PWWP3A: variants seen among roughly 807,000 people sequenced by gnomAD.
PWWP3A encodes PWWP domain-containing DNA repair factor 3A.
A neutral mutation model predicts 79.0 loss-of-function variants in PWWP3A; 53 were observed. The ratio of observed to expected loss-of-function variants is 0.67; its 90% CI spans 0.54 to 0.84. The LOEUF (loss-of-function observed/expected upper bound fraction) is 0.84, where lower values mean the gene tolerates loss of function less well. Among genes scored for constraint, PWWP3A ranks in the 40% least tolerant of loss-of-function variants. The pLI, the probability that PWWP3A is intolerant of heterozygous loss-of-function variation, is 0.00. For missense variants in PWWP3A, 973 were observed against 948.0 expected, an observed-to-expected ratio of 1.03 and a Z score of -0.35; for synonymous variants, 443 against 394.4, an observed-to-expected ratio of 1.12 and a Z score of -1.46.
chr19:1,372,894 G>A (rs2082291975), intron 12 of PWWP3A, 178 bp from the exon 13 acceptor site: 1 of 590,026 alleles, frequency 1.7e-6, no homozygotes, highest in South Asian at 2.1e-5. Context: ...ATTTAATTAA[G>A]AAACATCATT....
intron 12 of PWWP3A, chr19:1,372,166 C>G (rs1022263451): frequency 6.6e-6 from 1 of 152,210 alleles, no homozygotes; most frequent in Non-Finnish European, 1.5e-5. Flanking sequence ...GTGATTCTGC[C>G]CCCTGGGGGA....
At chr19:1,371,805 CTTTTTTTT>C (rs1237018248) in intron 12 of PWWP3A, among the ~76,000 whole-genome samples, 1 of 127,712 alleles carries the variant, frequency 7.8e-6, no homozygotes, top group Non-Finnish European at 1.7e-5. Flanking sequence ...AACCCTCAAG[CTTTTTTTT>C]TTTTTTTTTT....
rs926603255 is a variant in PWWP3A, at chr19:1,377,594, G to A, written c.*1018G>A. The stretch of plus-strand genomic sequence containing the variant: ...GGGGCTGCAGGTTGTTGAGGGCTGT[G>A]ACTCCGTGGGGCTCAGCCAGGCTCC... On this transcript the variant is annotated 3_prime_UTR_variant, in exon 14 of 14. Transcript: ENST00000591337. 6.6e-6 allele frequency: 1 copy of A among 152,420 alleles called. No homozygotes were observed. The highest frequency in any genetic ancestry group is 2.4e-5 in the African/African-American group (1 of 41,472). 9.4% of individuals were successfully genotyped at this position (152,420 alleles called of 1,614,324 possible).
intron 6 of PWWP3A, 73 bp downstream of exon 6, chr19:1,362,424 C>T (rs1032379607): frequency 2.5e-5 from 30 of 1,180,856 alleles, no homozygotes; most frequent in Non-Finnish European, 3.1e-5. Context: ...GCTCCGAGAC[C>T]GGGCCCCACA....
intron 13 of PWWP3A, among the ~76,000 whole-genome samples, chr19:1,375,058 TA>T (rs36062259): frequency 0.044 from 6,063 of 137,594 alleles, 155 homozygotes; most frequent in African/African-American, 0.079. Flanking sequence ...ATCTCTACTT[TA>T]AAAAAAAAAA....
Position 1,376,651 on chromosome 19 carries a change from T to TG in PWWP3A, c.*81dup, listed in dbSNP as rs1221433605. On this transcript the variant is annotated 3_prime_UTR_variant, in exon 14 of 14. Transcript: ENST00000591337. ...CAGTGTGCATGAGCGTGTCTGAAGATGGGGGGCTCAGGGGGCACGTTTGCG... is the reference window on the plus strand; with the variant it reads ...CAGTGTGCATGAGCGTGTCTGAAGATGGGGGGGCTCAGGGGGCACGTTTGCG... 32 of 1,486,846 alleles carry TG rather than the reference T, an allele frequency of 2.2e-5. No homozygotes were observed. The highest frequency in any genetic ancestry group is 1.6e-4 in the Admixed American group (9 of 56,444). The allele number at this position is 1,486,846 out of a possible 1,614,324, so 92.1% of individuals were successfully genotyped here. A position where few individuals can be genotyped will look rare whatever the true frequency, so the allele number is the denominator to read the frequency against.
chr19:1,359,940 G>T (rs995238961), intron 4 of PWWP3A, 196 bp from the exon 5 acceptor site: 30 of 513,160 alleles, frequency 5.8e-5, no homozygotes, highest in Non-Finnish European at 8.8e-5. Flanking sequence ...CTCGAATCCC[G>T]GAATGAATAG....
intron 13 of PWWP3A, among the ~76,000 whole-genome samples, chr19:1,375,324 G>T (rs2668436): frequency 0.017 from 2,587 of 148,414 alleles, 78 homozygotes; most frequent in African/African-American, 0.061. Flanking sequence ...CTATGCAGCC[G>T]GTACTGCTGC....
At chr19:1,374,722 A>G (rs933355029) in intron 13 of PWWP3A, among the ~76,000 whole-genome samples, 1 of 152,106 alleles carries the variant, frequency 6.6e-6, no homozygotes, top group African/African-American at 2.4e-5. Context: ...AGTAAGGACA[A>G]TTTGGCATCT....
In PWWP3A at chr19:1,369,714, T is replaced by C. The variant is rs1600120151; in HGVS notation, c.1549+68T>C. 6.5e-7 allele frequency: 1 copy of C among 1,538,018 alleles called. No individual in the cohort carries two copies. Among genetic ancestry groups the C allele is most frequent in the East Asian group, 2.2e-5 (1 of 44,494 alleles). Reference sequence around the variant, plus strand: ...AGCCCTTTAGAAAAACAATCTTCTATGTCTGAAGCTGTGGAAGGGGACGTT... The same window carrying C: ...AGCCCTTTAGAAAAACAATCTTCTACGTCTGAAGCTGTGGAAGGGGACGTT... On this transcript the variant is annotated intron_variant, in intron 11 of 13. Coordinates refer to ENST00000591337, the MANE Select transcript of PWWP3A (RefSeq NM_001369789.1). This position sits in a 1 kb window ranked among gnomAD's most constrained non-coding sequence, Gnocchi z 4.0.
rs372687840 is a variant in PWWP3A at position 1,377,868 on chromosome 19, G to A, written c.*1292G>A. ...AGCCGACGACAGCCACCGGAGAGGA[G>A]ATCGGAACACGATTGTCTCAGATGC... On this transcript the variant is annotated 3_prime_UTR_variant, in exon 14 of 14. Coordinates refer to ENST00000591337, the MANE Select transcript of PWWP3A (RefSeq NM_001369789.1). 1.3e-5 allele frequency: 2 copies of A among 152,318 alleles called. No homozygotes were observed. The highest frequency in any genetic ancestry group is 2.1e-4 in the South Asian group (1 of 4,838). The allele number at this position is 152,318 out of a possible 1,614,324, so 9.4% of individuals were successfully genotyped here. A position where few individuals can be genotyped will look rare whatever the true frequency, so the allele number is the denominator to read the frequency against.
At chr19:1,375,410 TATA>T (rs1468740112) in intron 13 of PWWP3A, among the ~76,000 whole-genome samples, 1 of 112,844 alleles carries the variant, frequency 8.9e-6, no homozygotes, top group East Asian at 2.2e-4. Context: ...ATATATAATA[TATA>T]TTATATATAT....
In PWWP3A at chr19:1,364,597, C is replaced by T. The variant is rs145771961; in HGVS notation, c.1284+18C>T. The T allele has an allele frequency of 1.4e-3, 2,252 of 1,562,818 alleles. 32 individuals are homozygous for T. The African/African-American group carries it at 0.027, about 19-fold the overall frequency. On this transcript the variant is annotated intron_variant, in intron 7 of 13. Transcript: ENST00000591337. ...CAGCAGTGGTAAGAACAGCTTCCTC[C>T]GTCTTCTCAGATGTAGTTACTTAAA...
Position 1,360,908 on chromosome 19 carries a change from G to A in PWWP3A, c.987G>A (p.Pro329=), listed in dbSNP as rs756304306. Residue 329 remains proline, a synonymous_variant, in exon 5 of 14, where the codon CCG becomes CCA. Coordinates refer to ENST00000591337, the MANE Select transcript of PWWP3A (RefSeq NM_001369789.1). The surrounding 1 kb of genome is among the most constrained non-coding windows in gnomAD (Gnocchi z 4.4). ...MAAGAAPSPG[P]GPGPRESVTP... ...CAGGGGCCGCACCATCCCCCGGGCCGGGGCCAGGGCCCAGAGAGTCTGTGA... is the reference window on the plus strand; with the variant it reads ...CAGGGGCCGCACCATCCCCCGGGCCAGGGCCAGGGCCCAGAGAGTCTGTGA... 29 of 1,539,418 alleles carry A rather than the reference G, an allele frequency of 1.9e-5. No individual in the cohort carries two copies. The highest frequency in any genetic ancestry group is 6.2e-5 in the Admixed American group (3 of 48,624).
intron 13 of PWWP3A, among the ~76,000 whole-genome samples, chr19:1,376,088 C>T (rs966098902): frequency 4.8e-5 from 7 of 146,910 alleles, no homozygotes; most frequent in East Asian, 4.0e-4. Flanking sequence ...GGATTACAGG[C>T]GTGAGCCAAA....
chr19:1,375,550 T>TATAATATATAAA (rs2082357029), intron 13 of PWWP3A, among the ~76,000 whole-genome samples: 4 of 2,398 alleles, frequency 1.7e-3, no homozygotes, highest in South Asian at 0.023. Context: ...ATATATAAAA[T>TATAATATATAAA]ATATATTATA....
At chr19:1,358,520 G>A in intron 4 of PWWP3A, 56 bp downstream of exon 4, 1 of 1,607,704 alleles carries the variant, frequency 6.2e-7, no homozygotes, top group Non-Finnish European at 8.5e-7. Context: ...AGGTCATTTG[G>A]GAGAATGTGA....
chr19:1,358,669 A>C, intron 4 of PWWP3A: 1 of 1,528,450 alleles, frequency 6.5e-7, no homozygotes, highest in South Asian at 1.2e-5. Context: ...CCCTAGAACC[A>C]CTCCTATTCT....
chr19:1,367,120 A>C, intron 8 of PWWP3A, 40 bp from the exon 9 acceptor site: 3 of 1,526,738 alleles, frequency 2.0e-6, no homozygotes, highest in Non-Finnish European at 2.7e-6. Flanking sequence ...TTATTAGAGG[A>C]AGTTCATTCA....
Sources: gnomAD v4.1 joint callset for allele counts (sites outside exome capture counted in the v4.1 genomes callset) on GRCh38, gnomAD v4.1.1 for gene constraint, Gnocchi (gnomAD v3.1) non-coding constraint, MANE v1.5 for transcripts, NCBI Gene and HGNC (gene_info 2026-07-23, HGNC 2026-07-21) for gene names.